Variants in PRICKLE2 observed in about 807,000 individuals in gnomAD.
The protein encoded by PRICKLE2 is prickle planar cell polarity protein 2, also known as prickle-like protein 2.
PRICKLE2 carries 21 observed loss-of-function variants against 81.4 expected under a neutral mutation model. The observed-to-expected ratio is 0.26, with a 90% CI of 0.18 to 0.37. The LOEUF is 0.37. Among genes scored for constraint, PRICKLE2 ranks in the 10% least tolerant of loss-of-function variants. PRICKLE2 has a pLI of 1.00. For synonymous variants in PRICKLE2, 456 were observed against 421.5 expected, an observed-to-expected ratio of 1.08 and a Z score of -1.00; for missense variants, 940 against 1,109.0, an observed-to-expected ratio of 0.85 and a Z score of 2.16.
At chr3:64,165,263 C>T (rs113668867) in intron 2 of PRICKLE2, among the ~76,000 whole-genome samples, 16 of 152,226 alleles carry the variant, frequency 1.1e-4, no homozygotes, top group Middle Eastern at 3.4e-3. Context: ...CTGATACTGT[C>T]TAAGGCTGGC....
intron 2 of PRICKLE2, among the ~76,000 whole-genome samples, chr3:64,246,596 G>A (rs894613867): frequency 2.6e-5 from 4 of 152,174 alleles, no homozygotes; most frequent in African/African-American, 4.8e-5. Context: ...TGTTGGGCCC[G>A]TGGACCAAAC....
intron 7 of PRICKLE2, among the ~76,000 whole-genome samples, chr3:64,116,896 C>T (rs185855483): frequency 1.3e-5 from 2 of 152,146 alleles, no homozygotes; most frequent in East Asian, 3.9e-4. Context: ...ACAACAACAA[C>T]AACAAAAAGT....
chr3:64,108,764 G>A (rs1431378078), intron 7 of PRICKLE2, among the ~76,000 whole-genome samples: 1 of 152,104 alleles, frequency 6.6e-6, no homozygotes, highest in Admixed American at 6.5e-5. Context: ...ACACAAGGGT[G>A]CTTCTACTCC....
At chr3:64,243,612 T>A (rs2079301611) in intron 2 of PRICKLE2, among the ~76,000 whole-genome samples, 1 of 152,168 alleles carries the variant, frequency 6.6e-6, no homozygotes, top group South Asian at 2.1e-4. Flanking sequence ...CTTTGAGGCT[T>A]TCAGTGTAAA....
intron 2 of PRICKLE2, among the ~76,000 whole-genome samples, chr3:64,181,763 C>CAT (rs2078139033): frequency 6.6e-6 from 1 of 152,096 alleles, no homozygotes; most frequent in Non-Finnish European, 1.5e-5. Flanking sequence ...TCTTAGTATT[C>CAT]ATATGATTTT....
At chr3:64,267,851 G>A (rs1207816974) in intron 2 of PRICKLE2, 1 of 152,250 alleles carries the variant, frequency 6.6e-6, no homozygotes, top group African/African-American at 2.4e-5. Context: ...GAGCAAACAT[G>A]CCCCTGCGCC....
intron 2 of PRICKLE2, among the ~76,000 whole-genome samples, chr3:64,249,414 G>T (rs544459673): frequency 1.3e-4 from 20 of 152,216 alleles, no homozygotes; most frequent in African/African-American, 3.6e-4. Flanking sequence ...ATTTGGGTGG[G>T]GACACAGAGC....
intron 7 of PRICKLE2, chr3:64,101,014 T>G (rs1177934681): frequency 6.6e-6 from 1 of 152,246 alleles, no homozygotes; most frequent in Non-Finnish European, 1.5e-5. Context: ...TGACAAAACC[T>G]AAAGCAGTGT....
intron 2 of PRICKLE2, 51 bp from the exon 3 acceptor site, chr3:64,163,180 C>T (rs758948334): frequency 2.8e-6 from 3 of 1,053,478 alleles, no homozygotes; most frequent in East Asian, 2.4e-5. Context: ...AAACCATGTG[C>T]CTATTCCCAC....
intron 2 of PRICKLE2, among the ~76,000 whole-genome samples, chr3:64,179,822 C>A (rs997513003): frequency 6.6e-6 from 1 of 152,086 alleles, no homozygotes; most frequent in Non-Finnish European, 1.5e-5. Context: ...CATTTGATCA[C>A]CAAGGAGTAA....
chr3:64,129,341 A>G (rs2077165405), intron 7 of PRICKLE2, among the ~76,000 whole-genome samples: 1 of 152,242 alleles, frequency 6.6e-6, no homozygotes, highest in South Asian at 2.1e-4. Context: ...GCATTAATGT[A>G]AAGATTAACC....
At chr3:64,109,511 T>C (rs886205018) in intron 7 of PRICKLE2, among the ~76,000 whole-genome samples, 3 of 151,896 alleles carry the variant, frequency 2.0e-5, no homozygotes, top group African/African-American at 7.3e-5. Flanking sequence ...GGATCAGTGC[T>C]GGTAGTCTAA....
At chr3:64,173,500 A>G (rs1018685681) in intron 2 of PRICKLE2, among the ~76,000 whole-genome samples, 3 of 152,186 alleles carry the variant, frequency 2.0e-5, no homozygotes, top group African/African-American at 7.2e-5. Flanking sequence ...TATATAATTA[A>G]ATTTTCATAA....
chr3:64,153,071 T>TTAA, intron 6 of PRICKLE2, 111 bp downstream of exon 6: 1 of 1,024,750 alleles, frequency 9.8e-7, no homozygotes, highest in South Asian at 1.3e-5. Context: ...TTCAGTTAAG[T>TTAA]TAGCATGAGT....
intron 2 of PRICKLE2, among the ~76,000 whole-genome samples, chr3:64,235,667 A>T (rs922188247): frequency 6.6e-6 from 1 of 152,122 alleles, no homozygotes; most frequent in Non-Finnish European, 1.5e-5. Flanking sequence ...TTTCCTATTG[A>T]TATCACACCC....
At chr3:64,243,510 G>A (rs1295117073) in intron 2 of PRICKLE2, among the ~76,000 whole-genome samples, 1 of 152,198 alleles carries the variant, frequency 6.6e-6, no homozygotes, top group East Asian at 1.9e-4. Flanking sequence ...GTTCATATAA[G>A]GTAGAGGATG....
chr3:64,226,908 C>T (rs1006324607), upstream of PRICKLE2, among the ~76,000 whole-genome samples: 7 of 152,256 alleles, frequency 4.6e-5, no homozygotes, highest in Non-Finnish European at 1.0e-4. Context: ...AGGAATATTC[C>T]ATCATGCACA....
At chr3:64,250,418 G>T (rs529051496) in intron 2 of PRICKLE2, among the ~76,000 whole-genome samples, 1 of 152,180 alleles carries the variant, frequency 6.6e-6, no homozygotes, top group African/African-American at 2.4e-5. Flanking sequence ...GTTCAAACCA[G>T]CTAGGAACTG....
intron 2 of PRICKLE2, among the ~76,000 whole-genome samples, chr3:64,184,182 C>G (rs1052734977): frequency 6.6e-6 from 1 of 152,308 alleles, no homozygotes; most frequent in East Asian, 1.9e-4. Flanking sequence ...ATTGGCCATT[C>G]TAGTCTGGAA....
Sources: allele counts gnomAD v4.1 joint callset (sites outside exome capture counted in the v4.1 genomes callset), GRCh38; gene constraint gnomAD v4.1.1; transcripts MANE v1.5; gene names NCBI Gene and HGNC (gene_info 2026-07-23, HGNC 2026-07-21).